RASSF3: variants seen among roughly 807,000 people sequenced by gnomAD.
RASSF3 encodes Ras association domain family member 3.
RASSF3 carries 19 observed loss-of-function variants against 19.9 expected under a neutral mutation model. That is an observed-to-expected ratio of 0.96 (90% confidence interval 0.67 to 1.40). The LOEUF (loss-of-function observed/expected upper bound fraction) is 1.40, where lower values mean the gene tolerates loss of function less well. RASSF3 is among the 40% of genes most tolerant of loss of function. The pLI is 0.00. For missense variants in RASSF3, 306 were observed against 289.8 expected (o/e 1.06, Z -0.41); for synonymous variants, 110 against 104.2 (o/e 1.06, Z -0.34).
At chr12:64,595,064 CTTTTT>C (rs1171762487) in intron 2 of RASSF3, among the ~76,000 whole-genome samples, 1 of 90,950 alleles carries the variant, frequency 1.1e-5, no homozygotes, top group Non-Finnish European at 2.0e-5. Context: ...CATATGAAAT[CTTTTT>C]TTTTTTTTTT....
chr12:64,560,237 T>TAAG (rs1869325446), intron 2 of RASSF3, among the ~76,000 whole-genome samples: 1 of 152,206 alleles, frequency 6.6e-6, no homozygotes, highest in Admixed American at 6.5e-5. Context: ...ACTGACTTGC[T>TAAG]TTAGCTGAGC....
chr12:64,586,261 C>T (rs896187696), intron 2 of RASSF3, among the ~76,000 whole-genome samples: 2 of 148,996 alleles, frequency 1.3e-5, no homozygotes, highest in Admixed American at 6.7e-5. Flanking sequence ...GAGGCGGAGG[C>T]GGCAGTGAGC....
At chr12:64,596,137 ATCAGACCCTTTTTG>A (rs1869996294) in intron 2 of RASSF3, among the ~76,000 whole-genome samples, 1 of 152,218 alleles carries the variant, frequency 6.6e-6, no homozygotes, top group African/African-American at 2.4e-5. Flanking sequence ...CTAGCATTTG[ATCAGACCCTTTTTG>A]TCCAATTATA....
At chr12:64,612,896 C>T (rs1360306470) in intron 1 of RASSF3, among the ~76,000 whole-genome samples, 1 of 152,054 alleles carries the variant, frequency 6.6e-6, no homozygotes, top group Non-Finnish European at 1.5e-5. Context: ...TTTGAAATAT[C>T]GTGTTGGAAA....
intron 2 of RASSF3, among the ~76,000 whole-genome samples, chr12:64,554,165 C>T (rs1353502395): frequency 6.6e-6 from 1 of 152,148 alleles, no homozygotes; most frequent in African/African-American, 2.4e-5. Context: ...TTCTCTGGGT[C>T]ACTGTCCCTC....
intron 2 of RASSF3, among the ~76,000 whole-genome samples, chr12:64,560,844 C>T (rs1869334598): frequency 6.6e-6 from 1 of 152,172 alleles, no homozygotes; most frequent in South Asian, 2.1e-4. Context: ...GCAGGTCTGA[C>T]CTCTGTGAGA....
chr12:64,541,255 G>A (rs1022709228), intron 1 of RASSF3, among the ~76,000 whole-genome samples: 3 of 150,806 alleles, frequency 2.0e-5, no homozygotes, highest in African/African-American at 7.3e-5. Context: ...CAAAGTGCTG[G>A]GATTACAGGC....
chr12:64,534,364 G>T (rs576272749), intron 1 of RASSF3, among the ~76,000 whole-genome samples: 1 of 152,204 alleles, frequency 6.6e-6, no homozygotes, highest in Admixed American at 6.5e-5. Context: ...TCATGGTGGT[G>T]TGTGCTTAAG....
intron 1 of RASSF3, among the ~76,000 whole-genome samples, chr12:64,668,801 C>T (rs1047131572): frequency 2.6e-5 from 4 of 151,106 alleles, no homozygotes; most frequent in African/African-American, 4.9e-5. Context: ...CCTGCCTCAG[C>T]GTTGTGAGTA....
At chr12:64,694,581 GGTGGGA>G (rs1390276273) in intron 4 of RASSF3, among the ~76,000 whole-genome samples, 176 bp from the exon 5 acceptor site, 1 of 152,116 alleles carries the variant, frequency 6.6e-6, no homozygotes, top group Non-Finnish European at 1.5e-5. Context: ...TGTGAGCTGA[GGTGGGA>G]GTGGGAGTGG....
chr12:64,660,555 A>C lies in RASSF3; in HGVS notation c.112-24232A>C, dbSNP rs73321764. 7.0e-3 allele frequency among the ~76,000 whole-genome samples: 1,069 copies of C among 152,262 alleles called. 15 individuals carry two copies. Among genetic ancestry groups the C allele is most frequent in the African/African-American group, 0.025 (1,030 of 41,542 alleles). On this transcript the variant is annotated intron_variant, in intron 1 of 4. Transcript: ENST00000542104. ...AAGATTAATACTTTGACATAATTCT[A>C]ATTTCTTGGCCTTTAAGGAGAAGGT...
chr12:64,650,565 G>A lies in RASSF3; in HGVS notation c.112-34222G>A, dbSNP rs138568247. Among the ~76,000 whole-genome samples the A allele has an allele frequency of 3.2e-3, 487 of 151,836 alleles. 3 individuals are homozygous for A. The highest frequency in any genetic ancestry group is 5.2e-3 in the Non-Finnish European group (351 of 67,920). On this transcript the variant is annotated intron_variant, in intron 1 of 4. Coordinates refer to ENST00000542104, the MANE Select transcript of RASSF3 (RefSeq NM_178169.4). ...TAAGTAGCTGGGATTACAGGTGCGC[G>A]CCACCACACCCAGCTAATTTTTTGT...
intron 1 of RASSF3, among the ~76,000 whole-genome samples, chr12:64,520,134 A>G (rs1592386897): frequency 6.6e-6 from 1 of 151,640 alleles, no homozygotes. Context: ...AAATCTAGCC[A>G]TAATGATGCA....
At chr12:64,533,126 T>C (rs1565834100), upstream of RASSF3, 1 of 152,200 alleles carries the variant, frequency 6.6e-6, no homozygotes, top group African/African-American at 2.4e-5. Context: ...GAAAAATACA[T>C]GAAGCCAGGG....
At chr12:64,530,858 T>C (rs1592390855), upstream of RASSF3, among the ~76,000 whole-genome samples, 1 of 152,370 alleles carries the variant, frequency 6.6e-6, no homozygotes, top group East Asian at 1.9e-4. Flanking sequence ...TTGCCATCTG[T>C]ATGTCTTTTT....
At chr12:64,594,043 A>T (rs1018171130) in intron 2 of RASSF3, among the ~76,000 whole-genome samples, 53 of 127,318 alleles carry the variant, frequency 4.2e-4, no homozygotes, top group Middle Eastern at 4.3e-3. Flanking sequence ...AAAGCAGGGG[A>T]GGGCCATGGC....
intron 1 of RASSF3, among the ~76,000 whole-genome samples, chr12:64,523,458 T>C (rs1041036401): frequency 1.3e-5 from 2 of 152,026 alleles, no homozygotes; most frequent in Non-Finnish European, 2.9e-5. Flanking sequence ...GTACAGACAT[T>C]GCTTTGTGGA....
intron 2 of RASSF3, among the ~76,000 whole-genome samples, chr12:64,557,622 A>G (rs1869276202): frequency 6.6e-6 from 1 of 152,052 alleles, no homozygotes. Context: ...ATGGTAGGTA[A>G]GGCTGCTCCT....
chr12:64,661,082 G>A (rs1023587697), intron 1 of RASSF3, among the ~76,000 whole-genome samples: 1 of 152,190 alleles, frequency 6.6e-6, no homozygotes, highest in African/African-American at 2.4e-5. Flanking sequence ...CCCTAGTGCT[G>A]GAGGCATTGG....
Sources: gnomAD v4.1 joint callset for allele counts (sites outside exome capture counted in the v4.1 genomes callset) on GRCh38, gnomAD v4.1.1 for gene constraint, MANE v1.5 for transcripts, NCBI Gene and HGNC (gene_info 2026-07-23, HGNC 2026-07-21) for gene names.